Variants in SYT1 observed in about 807,000 individuals in gnomAD.
SYT1 encodes the protein synaptotagmin 1.
In SYT1, 8 loss-of-function variants were observed where a neutral mutation model predicts 44.8. That is an observed-to-expected ratio of 0.18 (90% CI 0.10 to 0.32). The LOEUF (loss-of-function observed/expected upper bound fraction) is 0.32. Among genes scored for constraint, SYT1 ranks in the 10% least tolerant of loss-of-function variants. The probability of loss-of-function intolerance (pLI) is 1.00; values close to 1 mark genes in which losing one functional copy is unlikely to be tolerated. For missense variants in SYT1, 286 were observed against 509.3 expected (o/e 0.56, Z 4.22); for synonymous variants, 154 against 188.8 (o/e 0.82, Z 1.51).
intron 2 of SYT1, among the ~76,000 whole-genome samples, chr12:78,997,668 T>C (rs1258913366): frequency 1.3e-5 from 2 of 151,908 alleles, no homozygotes; most frequent in Non-Finnish European, 2.9e-5. Context: ...TCTTTCCTTT[T>C]TTTTTTTTCT....
chr12:79,115,748 C>T (rs1879242750), intron 3 of SYT1, among the ~76,000 whole-genome samples: 1 of 152,152 alleles, frequency 6.6e-6, no homozygotes, highest in Non-Finnish European at 1.5e-5. Flanking sequence ...GGAATCAGGG[C>T]AATGCCAGAT....
intron 3 of SYT1, among the ~76,000 whole-genome samples, chr12:79,169,046 T>C (rs1055442826): frequency 6.6e-6 from 1 of 152,040 alleles, no homozygotes; most frequent in Admixed American, 6.6e-5. Flanking sequence ...TAGATAGTTT[T>C]AAGTGAGAGT....
chr12:79,179,075 G>T (rs868719447), intron 3 of SYT1, among the ~76,000 whole-genome samples: 12 of 51,846 alleles, frequency 2.3e-4, no homozygotes, highest in Admixed American at 4.7e-4. Context: ...TAGATATATA[G>T]ATATAGATAT....
chr12:79,050,377 G>A (rs1874386351), intron 3 of SYT1, among the ~76,000 whole-genome samples: 1 of 151,974 alleles, frequency 6.6e-6, no homozygotes. Context: ...AAGAAAACCT[G>A]TGAATAAGTG....
chr12:79,411,211 T>A (rs1201979628), intron 9 of SYT1, among the ~76,000 whole-genome samples: 2 of 152,196 alleles, frequency 1.3e-5, no homozygotes, highest in Non-Finnish European at 2.9e-5. Flanking sequence ...CATATGGCTT[T>A]CATGCCATGG....
chr12:79,051,002 G>A (rs1158997856), intron 3 of SYT1, among the ~76,000 whole-genome samples: 1 of 151,244 alleles, frequency 6.6e-6, no homozygotes, highest in Non-Finnish European at 1.5e-5. Flanking sequence ...TGGCCTGATA[G>A]GTCAAGTCAT....
chr12:78,917,115 A>G (rs2400344), intron 1 of SYT1, among the ~76,000 whole-genome samples: 8,474 of 152,052 alleles, frequency 0.056, 336 homozygotes, highest in East Asian at 0.19. Flanking sequence ...TTTGTAGGAA[A>G]TAAAAGAAAG....
chr12:79,450,503 T>C lies in SYT1; in HGVS notation c.*1379T>C, dbSNP rs1352216280. 1.3e-5 allele frequency: 2 copies of C among 152,586 alleles called. No individual in the cohort carries two copies. Among genetic ancestry groups the C allele is most frequent in the Non-Finnish European group, 2.9e-5 (2 of 68,036 alleles). 9.5% of individuals were successfully genotyped at this position (152,586 alleles called of 1,614,324 possible). A position where few individuals can be genotyped will look rare whatever the true frequency, so the allele number is the denominator to read the frequency against. On this transcript the variant is annotated 3_prime_UTR_variant, in exon 11 of 11. Coordinates refer to ENST00000261205, the MANE Select transcript of SYT1 (RefSeq NM_005639.3). ...AGGAGGAGTTTTTAAACGTTTTCAA[T>C]GTTATTATGTAGTAAATGACACTAT...
At chr12:79,038,685 A>C (rs979390415) in intron 2 of SYT1, among the ~76,000 whole-genome samples, 10 of 151,990 alleles carry the variant, frequency 6.6e-5, no homozygotes, top group Non-Finnish European at 1.2e-4. Flanking sequence ...TGAGTTTATT[A>C]ATATTTTACA....
chr12:78,955,712 G>A (rs1269210425), intron 1 of SYT1: 1 of 151,710 alleles, frequency 6.6e-6, no homozygotes, highest in Non-Finnish European at 1.5e-5. Flanking sequence ...TGAACTACAA[G>A]CTTTATAAGG....
At chr12:79,303,687 T>A (rs1364243327) in intron 8 of SYT1, among the ~76,000 whole-genome samples, 1 of 152,140 alleles carries the variant, frequency 6.6e-6, no homozygotes, top group Non-Finnish European at 1.5e-5. Flanking sequence ...CAAGAAAATT[T>A]CACATTTTTA....
At chr12:79,159,130 C>A (rs925176355) in intron 3 of SYT1, among the ~76,000 whole-genome samples, 5 of 152,084 alleles carry the variant, frequency 3.3e-5, no homozygotes, top group Non-Finnish European at 5.9e-5. Flanking sequence ...CTTTATCCTG[C>A]AAACAATAGA....
At chr12:78,987,986 G>C (rs145070373) in intron 2 of SYT1, among the ~76,000 whole-genome samples, 18 of 152,238 alleles carry the variant, frequency 1.2e-4, no homozygotes, top group Non-Finnish European at 1.8e-4. Context: ...TGGAACTGTG[G>C]AGGGATGTTC....
intron 9 of SYT1, among the ~76,000 whole-genome samples, chr12:79,421,736 G>A (rs996430166): frequency 9.3e-5 from 14 of 150,940 alleles, no homozygotes; most frequent in Non-Finnish European, 1.8e-4. Context: ...TGTTGGTGGT[G>A]GTGGGTGTTT....
At chr12:79,090,632 C>A (rs184682147) in intron 3 of SYT1, among the ~76,000 whole-genome samples, 1 of 151,944 alleles carries the variant, frequency 6.6e-6, no homozygotes, top group Non-Finnish European at 1.5e-5. Context: ...ATAAACCAAA[C>A]AGACAGATTC....
At chr12:79,410,150 G>A in intron 9 of SYT1, among the ~76,000 whole-genome samples, 1 of 152,058 alleles carries the variant, frequency 6.6e-6, no homozygotes, top group Non-Finnish European at 1.5e-5. Flanking sequence ...CTACAAATTA[G>A]CCACATGAAG....
chr12:79,063,987 C>G (rs1875575906), intron 3 of SYT1, among the ~76,000 whole-genome samples: 2 of 152,166 alleles, frequency 1.3e-5, no homozygotes, highest in Non-Finnish European at 1.5e-5. Context: ...GCTTCAGTAT[C>G]CATCTTCTCT....
intron 1 of SYT1, among the ~76,000 whole-genome samples, chr12:78,891,779 G>A (rs1434888447): frequency 6.6e-6 from 1 of 151,844 alleles, no homozygotes; most frequent in African/African-American, 2.4e-5. Context: ...TGAGATCTGT[G>A]AAGTAGTCTT....
chr12:78,929,409 C>CACACAAAA (rs1877498423), intron 1 of SYT1, among the ~76,000 whole-genome samples: 1 of 43,766 alleles, frequency 2.3e-5, no homozygotes, highest in African/African-American at 1.2e-4. Context: ...GACTCCGTCC[C>CACACAAAA]AAAAAAAAAA....
Sources: allele counts gnomAD v4.1 joint callset (sites outside exome capture counted in the v4.1 genomes callset), GRCh38; gene constraint gnomAD v4.1.1; transcripts MANE v1.5; gene names NCBI Gene and HGNC (gene_info 2026-07-23, HGNC 2026-07-21).